Variants in CHSY3 observed in about 807,000 individuals in gnomAD.
The protein encoded by CHSY3 is N-acetylgalactosaminyl-proteoglycan 3-beta-glucuronosyltransferase 3.
In CHSY3, 35 loss-of-function variants were observed where a neutral mutation model predicts 67.2. That is an observed-to-expected ratio of 0.52 (90% CI 0.40 to 0.69). The LOEUF is 0.69. Among genes scored for constraint, CHSY3 ranks in the 30% least tolerant of loss-of-function variants. The pLI is 0.00. For synonymous variants in CHSY3, 474 were observed against 434.7 expected, an observed-to-expected ratio of 1.09 and a Z score of -1.12; for missense variants, 1,069 against 1,138.5, an observed-to-expected ratio of 0.94 and a Z score of 0.88.
At chr5:129,953,676 C>T (rs928535678) in intron 2 of CHSY3, among the ~76,000 whole-genome samples, 4 of 152,152 alleles carry the variant, frequency 2.6e-5, no homozygotes, top group African/African-American at 9.7e-5. Flanking sequence ...GCCATCCTAA[C>T]TGGTATGAGA....
At chr5:130,126,603 G>A (rs1415550785) in intron 2 of CHSY3, among the ~76,000 whole-genome samples, 1 of 152,096 alleles carries the variant, frequency 6.6e-6, no homozygotes, top group African/African-American at 2.4e-5. Flanking sequence ...CAGAAACAGA[G>A]AGACCTTGCT....
chr5:130,142,435 G>GA (rs1434523147), intron 2 of CHSY3, among the ~76,000 whole-genome samples: 1 of 152,064 alleles, frequency 6.6e-6, no homozygotes, highest in African/African-American at 2.4e-5. Flanking sequence ...TTTCCAACTG[G>GA]AAAACTGAAA....
intron 2 of CHSY3, among the ~76,000 whole-genome samples, chr5:129,995,585 A>G (rs1561489316): frequency 6.6e-6 from 1 of 151,502 alleles, no homozygotes. Flanking sequence ...ACTTTTAAGA[A>G]AAGTAGTGCG....
At chr5:129,918,963 C>T (rs1387290563) in intron 2 of CHSY3, among the ~76,000 whole-genome samples, 11 of 148,412 alleles carry the variant, frequency 7.4e-5, no homozygotes, top group African/African-American at 1.7e-4. Context: ...AAAAATTAGC[C>T]GGGCGCGGTG....
chr5:129,988,722 G>T, intron 2 of CHSY3, among the ~76,000 whole-genome samples: 1 of 152,196 alleles, frequency 6.6e-6, no homozygotes, highest in Non-Finnish European at 1.5e-5. Context: ...TCAAGTCAAA[G>T]ATATAATCAT....
intron 2 of CHSY3, among the ~76,000 whole-genome samples, chr5:130,105,808 A>C (rs1311120301): frequency 6.6e-6 from 1 of 151,618 alleles, no homozygotes; most frequent in East Asian, 1.9e-4. Context: ...AGATTTTAAA[A>C]ATATATATGG....
chr5:129,986,088 A>G (rs1355557586), intron 2 of CHSY3, among the ~76,000 whole-genome samples: 1 of 152,176 alleles, frequency 6.6e-6, no homozygotes, highest in East Asian at 1.9e-4. Flanking sequence ...GAGAATGGGC[A>G]TCCTTGTCGT....
At chr5:130,086,391 T>C (rs1207350495) in intron 2 of CHSY3, among the ~76,000 whole-genome samples, 2 of 152,080 alleles carry the variant, frequency 1.3e-5, no homozygotes, top group Admixed American at 6.6e-5. Flanking sequence ...TTTTGATCTT[T>C]GTTGGTTTAA....
chr5:130,089,781 G>A (rs1338116369), intron 2 of CHSY3, among the ~76,000 whole-genome samples: 1 of 152,080 alleles, frequency 6.6e-6, no homozygotes, highest in Non-Finnish European at 1.5e-5. Flanking sequence ...ATAGACATTT[G>A]TAGGAAGATA....
chr5:129,924,585 G>A (rs1184467967), intron 2 of CHSY3, among the ~76,000 whole-genome samples: 1 of 150,732 alleles, frequency 6.6e-6, no homozygotes, highest in East Asian at 2.0e-4. Context: ...GGCAGAGGTT[G>A]CAGTGAGCCG....
At chr5:130,026,086 T>C (rs1198745017) in intron 2 of CHSY3, among the ~76,000 whole-genome samples, 1 of 152,162 alleles carries the variant, frequency 6.6e-6, no homozygotes, top group African/African-American at 2.4e-5. Context: ...TCATAGGAAC[T>C]TGTTGCCTCA....
intron 2 of CHSY3, among the ~76,000 whole-genome samples, chr5:130,075,490 AC>A (rs1183818939): frequency 6.6e-6 from 1 of 152,152 alleles, no homozygotes; most frequent in Admixed American, 6.6e-5. Context: ...TTATGGGATA[AC>A]TTTTTTCCTT....
intron 2 of CHSY3, among the ~76,000 whole-genome samples, chr5:129,953,609 GTTC>G (rs1431028613): frequency 5.3e-5 from 8 of 152,140 alleles, no homozygotes; most frequent in Admixed American, 3.3e-4. Context: ...GTGTAAAAAT[GTTC>G]TTATTTCTCC....
At chr5:130,117,702 A>G (rs1239695461) in intron 2 of CHSY3, among the ~76,000 whole-genome samples, 3 of 152,210 alleles carry the variant, frequency 2.0e-5, no homozygotes, top group Non-Finnish European at 4.4e-5. Flanking sequence ...CACCACCAAA[A>G]GTTTCTTCAA....
intron 2 of CHSY3, among the ~76,000 whole-genome samples, chr5:130,135,126 T>C (rs1455462608): frequency 2.0e-5 from 3 of 152,100 alleles, no homozygotes; most frequent in African/African-American, 7.2e-5. Flanking sequence ...CATACAGTTG[T>C]ATATGTGTGG....
intron 2 of CHSY3, among the ~76,000 whole-genome samples, chr5:130,142,116 T>C (rs1768887072): frequency 6.6e-6 from 1 of 152,282 alleles, no homozygotes; most frequent in African/African-American, 2.4e-5. Context: ...GTACATAACT[T>C]TGCACTTTAT....
At chr5:130,070,941 A>G (rs951680182) in intron 2 of CHSY3, among the ~76,000 whole-genome samples, 1 of 152,078 alleles carries the variant, frequency 6.6e-6, no homozygotes, top group African/African-American at 2.4e-5. Flanking sequence ...TTATTTGTAG[A>G]GAGAAGGGTT....
At chr5:129,930,213 A>G (rs1421029989) in intron 2 of CHSY3, among the ~76,000 whole-genome samples, 3 of 151,872 alleles carry the variant, frequency 2.0e-5, no homozygotes, top group Non-Finnish European at 4.4e-5. Flanking sequence ...CATGCCTGTA[A>G]TCCCAGCTAC....
intron 2 of CHSY3, among the ~76,000 whole-genome samples, chr5:130,104,340 C>G (rs1445205445): frequency 2.0e-5 from 3 of 151,890 alleles, no homozygotes; most frequent in Non-Finnish European, 4.4e-5. Flanking sequence ...CGAAGAGTTA[C>G]TTTACACGTG....
Sources: gnomAD v4.1 joint callset for allele counts (sites outside exome capture counted in the v4.1 genomes callset) on GRCh38, gnomAD v4.1.1 for gene constraint, MANE v1.5 for transcripts, NCBI Gene and HGNC (gene_info 2026-07-23, HGNC 2026-07-21) for gene names.